The following PKD1 variants were observed in gnomAD, a reference collection of about 807,000 sequenced individuals.
The protein encoded by PKD1 is polycystin 1, transient receptor potential channel interacting.
Under a neutral mutation model 361.7 loss-of-function variants are expected in PKD1, and 81 were observed. The ratio of observed to expected loss-of-function variants is 0.22; its 90% CI spans 0.19 to 0.27. PKD1 has a LOEUF of 0.27. Among genes scored for constraint, PKD1 ranks in the 10% least tolerant of loss-of-function variants. PKD1 has a pLI of 1.00. For synonymous variants in PKD1, 3,615 were observed against 2,818.3 expected, an observed-to-expected ratio of 1.28 and a Z score of -8.95; for missense variants, 6,399 against 6,118.3, an observed-to-expected ratio of 1.05 and a Z score of -1.53.
chr16:2,100,448 G>A lies in PKD1; in HGVS notation c.9516C>T (p.Thr3172=). 1.2e-6 allele frequency: 2 copies of A among 1,611,018 alleles called. No homozygotes were observed. The highest frequency in any genetic ancestry group is 1.7e-6 in the Non-Finnish European group (2 of 1,179,706). The change falls in exon 27 of 46, where the codon ACC becomes ACT. Residue 3172 remains threonine, a synonymous_variant. Transcript: ENST00000262304. The surrounding 1 kb of genome is among the most constrained non-coding windows in gnomAD (Gnocchi z 4.4). ...RNSLDIFRIA[T]PHSLGSVWKI... ...TCCACACGCTACCCAGGCTGTGCGG[G>A]GTGGCGATCCGGAAGATGTCCAGGC...
rs773037551 is a variant in PKD1, at chr16:2,089,840, G to A, written c.12799C>T (p.Arg4267Trp). ...GCAAGGCGGCTGGGCAGTGCTGGCC[G>A]CAGGCCCGGGGATGGGCCACGGGAA... ...GSSRGPSPGLRPALPSRLARA... is the reference protein window; with the variant it reads ...GSSRGPSPGLWPALPSRLARA... The change falls in exon 46 of 46, where the codon CGG (arginine) becomes TGG (tryptophan). Residue 4267 changes from arginine (R) to tryptophan (W), a missense_variant. Physicochemically the swap from Arg to Trp is moderately radical, Grantham distance 101 (BLOSUM62 -3). Coordinates refer to ENST00000262304, the MANE Select transcript of PKD1 (RefSeq NM_001009944.3). 1.8e-5 allele frequency: 29 copies of A among 1,604,516 alleles called. No individual in the cohort carries two copies. The highest frequency in any genetic ancestry group is 1.2e-4 in the Admixed American group (7 of 58,806).
chr16:2,115,236 G>C (rs1354224105), intron 10 of PKD1, 142 bp downstream of exon 10: 1 of 1,050,880 alleles, frequency 9.5e-7, no homozygotes, highest in African/African-American at 1.6e-5. Context: ...GGGCACTGCA[G>C]AGGTCGGAGG....
In PKD1 at chr16:2,108,937, G is replaced by C; in HGVS notation, c.6230C>G (p.Ala2077Gly). ...GGGGCTGGTGGCGGCCTCAAACTGCGCCGAGCGGTTGGTGAAGCAGGGGCC... is the reference window on the plus strand; with the variant it reads ...GGGGCTGGTGGCGGCCTCAAACTGCCCCGAGCGGTTGGTGAAGCAGGGGCC... ...QSGPCFTNRSAQFEAATSPSP... is the reference protein window; with the variant it reads ...QSGPCFTNRSGQFEAATSPSP... The change falls in exon 15 of 46, where the codon GCG becomes GGG. Residue 2077 changes from alanine to glycine, a missense_variant. Physicochemically the swap from Ala to Gly is moderately conservative, Grantham distance 60. Transcript: ENST00000262304. 2 of 1,602,396 alleles carry C rather than the reference G, an allele frequency of 1.2e-6. No homozygotes were observed. Among genetic ancestry groups the C allele is most frequent in the Non-Finnish European group, 1.7e-6 (2 of 1,176,136 alleles).
rs997438863 is a variant in PKD1 at position 2,116,911 on chromosome 16, G to A, written c.1528C>T (p.Arg510Trp). ...TTACACCACCCGGTGGGCCCGAGCC[G>A]GACGCAGTGCTCGGCTGTGGCTGGG... ...PHPATAEHCV[R>W]LGPTGWCNTD... Residue 510 changes from arginine (R) to tryptophan (W), a missense_variant, in exon 7 of 46, where the codon CGG becomes TGG. Arg to Trp is a moderately radical substitution (Grantham distance 101). Coordinates refer to ENST00000262304, the MANE Select transcript of PKD1 (RefSeq NM_001009944.3). 25 of 1,517,968 alleles carry A rather than the reference G, an allele frequency of 1.6e-5. No individual in the cohort carries two copies. Among genetic ancestry groups the A allele is most frequent in the Admixed American group, 5.8e-5 (3 of 51,960 alleles). 94.0% of individuals were successfully genotyped at this position (1,517,968 alleles called of 1,614,324 possible). A position where few individuals can be genotyped will look rare whatever the true frequency, so the allele number is the denominator to read the frequency against.
chr16:2,118,941 C>T lies in PKD1; in HGVS notation c.360-96G>A. 1 of 706,668 alleles carries T rather than the reference C, an allele frequency of 1.4e-6. No homozygotes were observed. The highest frequency in any genetic ancestry group is 1.8e-5 in the African/African-American group (1 of 57,096). 43.8% of individuals were successfully genotyped at this position (706,668 alleles called of 1,614,324 possible). On this transcript the variant is annotated intron_variant, in intron 3 of 45. Coordinates refer to ENST00000262304, the MANE Select transcript of PKD1 (RefSeq NM_001009944.3). The surrounding 1 kb of genome is among the most constrained non-coding windows in gnomAD (Gnocchi z 6.0). ...CCAGGCCCTGGAGCCACCCTGACAG[C>T]ACCGCCTCCCCTGCCCCAACCAAGC...
rs2092066515 is a variant in PKD1 at position 2,100,842 on chromosome 16, G to T, written c.9398-276C>A. On this transcript the variant is annotated intron_variant, in intron 26 of 45. Coordinates refer to ENST00000262304, the MANE Select transcript of PKD1 (RefSeq NM_001009944.3). This position sits in a 1 kb window ranked among gnomAD's most constrained non-coding sequence, Gnocchi z 4.4. ...CGCCTCAGTCCACACCACAACCAGT[G>T]ACCCGCACTGCACACCTGTCCACGC... is the stretch of plus-strand genomic sequence containing the variant. 9.6e-6 allele frequency: 5 copies of T among 518,856 alleles called. No homozygotes were observed. The South Asian group carries it at 1.0e-4, about 10-fold the overall frequency. 32.1% of individuals were successfully genotyped at this position (518,856 alleles called of 1,614,324 possible).
intron 37 of PKD1, chr16:2,093,312 G>C: frequency 1.5e-6 from 1 of 677,284 alleles, no homozygotes; most frequent in Non-Finnish European, 2.5e-6. Flanking sequence ...GTGGTGCTTA[G>C]GGGCCTTCAG....
rs987610821 is a variant in PKD1 at position 2,114,308 on chromosome 16, C to T, written c.2715G>A (p.Gly905=). 2.5e-6 allele frequency: 4 copies of T among 1,610,454 alleles called. No individual in the cohort carries two copies. The highest frequency in any genetic ancestry group is 3.3e-5 in the Admixed American group (2 of 59,988). Residue 905 remains glycine (G), a synonymous_variant, in exon 11 of 46, where the codon GGG becomes GGA. Coordinates refer to ENST00000262304, the MANE Select transcript of PKD1 (RefSeq NM_001009944.3). ...CCACCACCACGTCCACCACGTGCTC[C>T]CCCTCACTGAGCCACGGCAGTGCTA... is the stretch of plus-strand genomic sequence containing the variant. ...SVVALPWLSE[G]EHVVDVVVEN... is the part of the protein sequence containing the mutation.
intron 26 of PKD1, among the ~76,000 whole-genome samples, chr16:2,101,354 A>AT (rs2092088948): frequency 6.6e-6 from 1 of 151,928 alleles, no homozygotes; most frequent in Non-Finnish European, 1.5e-5. Context: ...CAGAGATAAA[A>AT]AATGGGAACA....
At position 2,100,153 on chromosome 16, in the gene PKD1, A is replaced by G. The variant is rs1441765873; in HGVS notation, c.9712+13T>C. The G allele has an allele frequency of 2.5e-6, 4 of 1,606,542 alleles. No homozygotes were observed. In the African/African-American group the frequency reaches 5.4e-5, roughly 22 times the overall value. Reference sequence around the variant, plus strand: ...AACCTCCCACGGAGTGGGAACATGGAACGAGGCCTTACTCGCGGCCAGCAC... The same window carrying G: ...AACCTCCCACGGAGTGGGAACATGGGACGAGGCCTTACTCGCGGCCAGCAC... On this transcript the variant is annotated intron_variant, in intron 28 of 45. Transcript: ENST00000262304. This position sits in a 1 kb window ranked among gnomAD's most constrained non-coding sequence, Gnocchi z 4.4.
chr16:2,126,601 G>A (rs1046429873), intron 1 of PKD1, among the ~76,000 whole-genome samples: 12 of 152,398 alleles, frequency 7.9e-5, no homozygotes, highest in Admixed American at 5.2e-4. Context: ...TGGCGCCCCC[G>A]CTGCTGTGCC....
At chr16:2,121,327 T>C (rs559359524) in intron 1 of PKD1, among the ~76,000 whole-genome samples, 1 of 150,360 alleles carries the variant, frequency 6.7e-6, no homozygotes, top group Non-Finnish European at 1.5e-5. Context: ...ATCGCACCCC[T>C]GCACTCCAGC....
chr16:2,105,831 G>A, intron 20 of PKD1, 34 bp downstream of exon 20: 4 of 1,586,380 alleles, frequency 2.5e-6, no homozygotes, highest in South Asian at 1.1e-5. Flanking sequence ...CACGCATGCA[G>A]CAGATGTGAC....
rs1335085237 is a variant in PKD1, at chr16:2,100,702, C to G, written c.9398-136G>C. The stretch of plus-strand genomic sequence containing the variant: ...CAGTCCCGGCTTTGCACGGCTCTGC[C>G]ATACACAAGGAGCTGCGGTTACTGC... On this transcript the variant is annotated intron_variant, in intron 26 of 45. Coordinates refer to ENST00000262304, the MANE Select transcript of PKD1 (RefSeq NM_001009944.3). This position sits in a 1 kb window ranked among gnomAD's most constrained non-coding sequence, Gnocchi z 4.4. 3 of 712,016 alleles carry G rather than the reference C, an allele frequency of 4.2e-6. No homozygotes were observed. Among genetic ancestry groups the G allele is most frequent in the Non-Finnish European group, 7.3e-6 (3 of 410,888 alleles). The allele number at this position is 712,016 out of a possible 1,614,324, so 44.1% of individuals were successfully genotyped here.
intron 16 of PKD1, chr16:2,107,572 C>T (rs1481150525): frequency 6.2e-6 from 3 of 480,228 alleles, no homozygotes; most frequent in South Asian, 2.0e-5. Flanking sequence ...CCACATCCAG[C>T]AACAGGGACA....
intron 34 of PKD1, among the ~76,000 whole-genome samples, chr16:2,095,619 G>A (rs775836812): frequency 1.1e-4 from 17 of 152,198 alleles, no homozygotes; most frequent in Non-Finnish European, 2.1e-4. Context: ...CGTGCTCTGC[G>A]TTGGGAAAGG....
chr16:2,088,934 G>A lies in PKD1; in HGVS notation c.*793C>T, dbSNP rs1342799987. ...CTCCACCCTGGGAGCCAGCCCCCAG[G>A]AGGAGTCTTTTCCTCTAACCACCCT... On this transcript the variant is annotated 3_prime_UTR_variant, in exon 46 of 46. Transcript: ENST00000262304. 2 of 379,438 alleles carry A rather than the reference G, an allele frequency of 5.3e-6. No individual in the cohort carries two copies. Among genetic ancestry groups the A allele is most frequent in the Admixed American group, 4.3e-5 (1 of 23,154 alleles). 23.5% of individuals were successfully genotyped at this position (379,438 alleles called of 1,614,324 possible). A position where few individuals can be genotyped will look rare whatever the true frequency, so the allele number is the denominator to read the frequency against.
At chr16:2,126,428 G>A (rs1352194292) in intron 1 of PKD1, among the ~76,000 whole-genome samples, 2 of 152,282 alleles carry the variant, frequency 1.3e-5, no homozygotes, top group Non-Finnish European at 2.9e-5. Flanking sequence ...AGGGAGAAAA[G>A]GACCCAGCCC....
intron 41 of PKD1, 30 bp from the exon 42 acceptor site, chr16:2,091,627 G>T: frequency 6.4e-7 from 1 of 1,561,378 alleles, no homozygotes; most frequent in African/African-American, 1.3e-5. Flanking sequence ...CAGTAGGAGC[G>T]GGTGGCAGGG....
Sources: gnomAD v4.1 joint callset for allele counts (sites outside exome capture counted in the v4.1 genomes callset) on GRCh38, gnomAD v4.1.1 for gene constraint, Gnocchi (gnomAD v3.1) non-coding constraint, MANE v1.5 for transcripts, NCBI Gene and HGNC (gene_info 2026-07-23, HGNC 2026-07-21) for gene names.